Variants in TEAD4 observed in about 807,000 individuals in gnomAD.
The protein encoded by TEAD4 is transcriptional enhancer factor TEF-3.
In TEAD4, 36 loss-of-function variants were observed where a neutral mutation model predicts 52.4. The ratio of observed to expected loss-of-function variants is 0.69; its 90% CI spans 0.53 to 0.91. TEAD4 has a LOEUF of 0.91. TEAD4 is among the 40% of genes least tolerant of loss of function. The pLI, the probability that TEAD4 is intolerant of heterozygous loss-of-function variation, is 0.00. For synonymous variants in TEAD4, 220 were observed against 231.0 expected (o/e 0.95, Z 0.43); for missense variants, 508 against 583.9 (o/e 0.87, Z 1.34).
At chr12:3,021,307 C>CTTTTTTTTTTTTTTTTTTTTTT in intron 9 of TEAD4, among the ~76,000 whole-genome samples, 1 of 133,184 alleles carries the variant, frequency 7.5e-6, no homozygotes, top group Non-Finnish European at 1.6e-5. Flanking sequence ...CTTCAAACTT[C>CTTTTTTTTTTTTTTTTTTTTTT]TTTTTTTTTT....
At chr12:2,992,389 G>C (rs1352172405) in intron 2 of TEAD4, among the ~76,000 whole-genome samples, 3 of 152,070 alleles carry the variant, frequency 2.0e-5, no homozygotes, top group Non-Finnish European at 4.4e-5. Flanking sequence ...GCTTTGCCAA[G>C]CTCCTTTTGA....
chr12:2,974,831 G>A (rs1259193636), intron 2 of TEAD4, among the ~76,000 whole-genome samples: 1 of 152,184 alleles, frequency 6.6e-6, no homozygotes, highest in African/African-American at 2.4e-5. Context: ...TTTGAGAGCA[G>A]CTGATTGAGG....
At chr12:3,001,585 C>T (rs1308623875) in intron 3 of TEAD4, among the ~76,000 whole-genome samples, 2 of 151,972 alleles carry the variant, frequency 1.3e-5, no homozygotes, top group East Asian at 1.9e-4. Context: ...GCCTGGCCAA[C>T]ATGGTGAAAC....
chr12:2,967,235 C>T (rs35444392), intron 2 of TEAD4, among the ~76,000 whole-genome samples: 3 of 152,030 alleles, frequency 2.0e-5, no homozygotes, highest in African/African-American at 4.8e-5. Flanking sequence ...GCTGGTATTT[C>T]GGTGAATGTC....
intron 5 of TEAD4, 135 bp from the exon 6 acceptor site, chr12:3,017,263 C>A: frequency 8.5e-7 from 1 of 1,173,968 alleles, no homozygotes; most frequent in Non-Finnish European, 1.2e-6. Flanking sequence ...AATAGCACGG[C>A]ACAGACTTAA....
chr12:2,972,491 C>CTT (rs751852771), intron 2 of TEAD4, among the ~76,000 whole-genome samples: 2,045 of 34,768 alleles, frequency 0.059, 230 homozygotes, highest in Admixed American at 0.11. Context: ...CAGCATGTCT[C>CTT]TTTTTTTTTT....
intron 11 of TEAD4, among the ~76,000 whole-genome samples, chr12:3,038,414 C>T (rs1325954622): frequency 6.6e-6 from 1 of 151,222 alleles, no homozygotes; most frequent in Non-Finnish European, 1.5e-5. Flanking sequence ...CCTAGTCCAG[C>T]CCTCTGGCTT....
At chr12:3,015,502 C>T (rs537105226) in intron 5 of TEAD4, among the ~76,000 whole-genome samples, 43 of 152,336 alleles carry the variant, frequency 2.8e-4, no homozygotes, top group African/African-American at 9.4e-4. Context: ...CACACCTGCA[C>T]GGCACCAGGA....
At position 2,959,436 on chromosome 12, in the gene TEAD4, CA is replaced by C. The variant is rs905616258; in HGVS notation, c.-167del. 2 of 146,560 alleles carry C rather than the reference CA, an allele frequency of 1.4e-5. No homozygotes were observed. Among genetic ancestry groups the C allele is most frequent in the African/African-American group, 4.9e-5 (2 of 40,760 alleles). The allele number at this position is 146,560 out of a possible 1,614,324, so 9.1% of individuals were successfully genotyped here. A position where few individuals can be genotyped will look rare whatever the true frequency, so the allele number is the denominator to read the frequency against. On this transcript the variant is annotated 5_prime_UTR_variant, in exon 1 of 13. Transcript: ENST00000359864. The surrounding 1 kb of genome is among the most constrained non-coding windows in gnomAD (Gnocchi z 5.1). The stretch of plus-strand genomic sequence containing the variant: ...AGCGTCCTCCTCGCACACTCGAGGC[CA>C]GGGGGCGGGAGGGCCGCAGCTCCGG...
At chr12:2,977,116 A>C (rs561224662) in intron 2 of TEAD4, among the ~76,000 whole-genome samples, 1 of 151,946 alleles carries the variant, frequency 6.6e-6, no homozygotes, top group East Asian at 1.9e-4. Flanking sequence ...CAATCCTCAC[A>C]GCCGTTATTT....
chr12:2,993,289 C>T (rs2153955281), intron 2 of TEAD4, among the ~76,000 whole-genome samples: 1 of 152,236 alleles, frequency 6.6e-6, no homozygotes, highest in Non-Finnish European at 1.5e-5. Context: ...CTCCTGGTAA[C>T]CACCATTCTA....
intron 2 of TEAD4, among the ~76,000 whole-genome samples, chr12:2,968,385 CTTTTTTTTTT>C (rs61672018): frequency 1.1e-4 from 6 of 55,046 alleles, no homozygotes; most frequent in Admixed American, 3.6e-4. Flanking sequence ...CGCGCCCGGC[CTTTTTTTTTT>C]TTTTTTTTTT....
chr12:3,038,804 T>C (rs995044107), intron 11 of TEAD4, among the ~76,000 whole-genome samples: 9 of 152,168 alleles, frequency 5.9e-5, no homozygotes, highest in Admixed American at 5.2e-4. Context: ...GGCCAAGTTA[T>C]CTTCACTGTC....
At chr12:3,008,844 A>T (rs2098257935) in intron 3 of TEAD4, among the ~76,000 whole-genome samples, 1 of 152,180 alleles carries the variant, frequency 6.6e-6, no homozygotes, top group South Asian at 2.1e-4. Context: ...GACGGGCCAG[A>T]GGAGCAACCA....
At chr12:2,995,293 G>A (rs543341553) in intron 3 of TEAD4, among the ~76,000 whole-genome samples, 1 of 152,308 alleles carries the variant, frequency 6.6e-6, no homozygotes, top group Non-Finnish European at 1.5e-5. Flanking sequence ...CCCACAAGCT[G>A]TACCCCAGCA....
intron 10 of TEAD4, among the ~76,000 whole-genome samples, chr12:3,031,125 C>T (rs1203836419): frequency 2.6e-5 from 4 of 152,222 alleles, no homozygotes; most frequent in Non-Finnish European, 2.9e-5. Context: ...CGTCCAGCCC[C>T]GGTTGTGGGA....
chr12:3,017,247 C>T, intron 5 of TEAD4, 151 bp from the exon 6 acceptor site: 1 of 1,019,524 alleles, frequency 9.8e-7, no homozygotes, highest in Non-Finnish European at 1.5e-6. Flanking sequence ...AGTTGCAAAA[C>T]AAGTTAATAG....
chr12:3,003,500 G>A (rs183446038), intron 3 of TEAD4, among the ~76,000 whole-genome samples: 3 of 152,264 alleles, frequency 2.0e-5, no homozygotes, highest in South Asian at 2.1e-4. Flanking sequence ...GCTATGTGGC[G>A]GAGGTGGCCG....
Position 2,990,638 on chromosome 12 carries a change from G to A in TEAD4, c.-29-4100G>A, listed in dbSNP as rs188381472. Among the ~76,000 whole-genome samples, 463 of 151,850 alleles carry A rather than the reference G, an allele frequency of 3.0e-3. 1 individual carries two copies. The highest frequency in any genetic ancestry group is 5.0e-3 in the Non-Finnish European group (342 of 67,930). On this transcript the variant is annotated intron_variant, in intron 2 of 12. Transcript: ENST00000359864. ...GTGCCACCATGCCAAGCTAATTTGTGTATTTTTAGTAGAGAAGAGGTTTTG... is the reference window on the plus strand; with the variant it reads ...GTGCCACCATGCCAAGCTAATTTGTATATTTTTAGTAGAGAAGAGGTTTTG...
Sources: gnomAD v4.1 joint callset for allele counts (sites outside exome capture counted in the v4.1 genomes callset) on GRCh38, gnomAD v4.1.1 for gene constraint, Gnocchi (gnomAD v3.1) non-coding constraint, MANE v1.5 for transcripts, NCBI Gene and HGNC (gene_info 2026-07-23, HGNC 2026-07-21) for gene names.